CCDC62: variants seen among roughly 807,000 people sequenced by gnomAD.
CCDC62 encodes the protein coiled-coil domain-containing protein 62.
In CCDC62, 72 loss-of-function variants were observed where a neutral mutation model predicts 80.8. The ratio of observed to expected loss-of-function variants is 0.89; its 90% CI spans 0.74 to 1.08. The LOEUF (loss-of-function observed/expected upper bound fraction) is 1.08, where lower values mean the gene tolerates loss of function less well. Ranked by LOEUF, CCDC62 falls within the 50% of genes least tolerant of loss-of-function variation. The pLI, the probability that CCDC62 is intolerant of heterozygous loss-of-function variation, is 0.00. For synonymous variants in CCDC62, 286 were observed against 296.5 expected, an observed-to-expected ratio of 0.96 and a Z score of 0.36; for missense variants, 704 against 809.4, an observed-to-expected ratio of 0.87 and a Z score of 1.58.
chr12:122,803,309 C>T (rs1345690013), intron 9 of CCDC62, among the ~76,000 whole-genome samples: 1 of 152,086 alleles, frequency 6.6e-6, no homozygotes, highest in Non-Finnish European at 1.5e-5. Context: ...AAAGAGGATA[C>T]TTGTATTTAA....
chr12:122,818,153 C>A (rs1429297331), intron 11 of CCDC62, among the ~76,000 whole-genome samples: 1 of 151,790 alleles, frequency 6.6e-6, no homozygotes, highest in African/African-American at 2.4e-5. Context: ...ACAAAAAATT[C>A]AAAAATTAGC....
intron 10 of CCDC62, among the ~76,000 whole-genome samples, chr12:122,806,587 T>C (rs2031619417): frequency 6.6e-6 from 1 of 151,992 alleles, no homozygotes; most frequent in South Asian, 2.1e-4. Flanking sequence ...CAAGTGATCC[T>C]CCTGCCTCAG....
intron 5 of CCDC62, among the ~76,000 whole-genome samples, chr12:122,791,201 C>T (rs915299951): frequency 1.1e-4 from 17 of 152,072 alleles, no homozygotes; most frequent in Non-Finnish European, 2.2e-4. Context: ...AGTGCAATGG[C>T]GCGATCTCAG....
At chr12:122,784,655 AC>A (rs1417181908) in intron 3 of CCDC62, among the ~76,000 whole-genome samples, 1 of 152,050 alleles carries the variant, frequency 6.6e-6, no homozygotes, top group Non-Finnish European at 1.5e-5. Flanking sequence ...ACATAGCGAG[AC>A]CCTCTCTACA....
intron 6 of CCDC62, among the ~76,000 whole-genome samples, chr12:122,793,150 G>T (rs71456776): frequency 0.02 from 3,081 of 152,230 alleles, 35 homozygotes; most frequent in Non-Finnish European, 0.031. Flanking sequence ...CACAAAGGCT[G>T]TTTTATAATA....
intron 4 of CCDC62, among the ~76,000 whole-genome samples, chr12:122,788,467 G>A (rs1410213497): frequency 6.6e-6 from 1 of 152,216 alleles, no homozygotes; most frequent in Non-Finnish European, 1.5e-5. Flanking sequence ...GTAAGGGGTA[G>A]TGGTTCAGTA....
intron 11 of CCDC62, among the ~76,000 whole-genome samples, chr12:122,818,389 C>T (rs1437142443): frequency 6.7e-6 from 1 of 148,898 alleles, no homozygotes; most frequent in African/African-American, 2.5e-5. Context: ...TGAGGCGGAG[C>T]TTGCAGTGAG....
intron 11 of CCDC62, among the ~76,000 whole-genome samples, chr12:122,819,331 C>T (rs2032307127): frequency 1.3e-5 from 2 of 152,202 alleles, no homozygotes; most frequent in Non-Finnish European, 2.9e-5. Flanking sequence ...TCTGTCGCTA[C>T]AGACAAGGGT....
chr12:122,792,143 A>G (rs1259945386), intron 6 of CCDC62, 22 bp downstream of exon 6: 2 of 1,385,794 alleles, frequency 1.4e-6, no homozygotes, highest in Non-Finnish European at 2.1e-6. Flanking sequence ...GATCGAATGT[A>G]TTTGTAACCT....
chr12:122,823,788 G>C (rs541280853), intron 12 of CCDC62, among the ~76,000 whole-genome samples: 1 of 151,104 alleles, frequency 6.6e-6, no homozygotes, highest in African/African-American at 2.4e-5. Flanking sequence ...GGATCACGAG[G>C]TCAGGAGTTC....
intron 3 of CCDC62, among the ~76,000 whole-genome samples, chr12:122,785,328 A>G (rs2030144831): frequency 6.6e-6 from 1 of 152,214 alleles, no homozygotes; most frequent in Non-Finnish European, 1.5e-5. Flanking sequence ...CTTTATTTCA[A>G]CAAAGGAAAT....
intron 4 of CCDC62, among the ~76,000 whole-genome samples, chr12:122,788,211 C>A (rs2030387486): frequency 6.6e-6 from 1 of 152,130 alleles, no homozygotes; most frequent in African/African-American, 2.4e-5. Flanking sequence ...TTTCAAGAAG[C>A]AGATACCTTT....
At chr12:122,815,918 C>T (rs1230286402) in intron 11 of CCDC62, among the ~76,000 whole-genome samples, 1 of 152,180 alleles carries the variant, frequency 6.6e-6, no homozygotes, top group Non-Finnish European at 1.5e-5. Flanking sequence ...GGGGAGCAAA[C>T]ATCTTTGCCT....
chr12:122,809,170 C>G (rs1477690491), intron 10 of CCDC62, among the ~76,000 whole-genome samples: 1 of 152,260 alleles, frequency 6.6e-6, no homozygotes, highest in Non-Finnish European at 1.5e-5. Context: ...TTTACCTCCT[C>G]TCTGCACTAT....
intron 2 of CCDC62, among the ~76,000 whole-genome samples, chr12:122,780,162 A>T (rs12310901): frequency 0.13 from 19,404 of 148,560 alleles, 2,061 homozygotes; most frequent in African/African-American, 0.29. Context: ...ATACAAAAAA[A>T]TAGCCAGACA....
chr12:122,816,158 C>T (rs2032155572), intron 11 of CCDC62, among the ~76,000 whole-genome samples: 1 of 152,146 alleles, frequency 6.6e-6, no homozygotes, highest in African/African-American at 2.4e-5. Context: ...CAAAGTATAC[C>T]ATGTGTGCCA....
chr12:122,814,410 C>T (rs774759853), intron 11 of CCDC62, among the ~76,000 whole-genome samples: 6 of 111,708 alleles, frequency 5.4e-5, no homozygotes, highest in Non-Finnish European at 9.9e-5. Context: ...CATCCATACA[C>T]GTTTTCTTTG....
At chr12:122,791,136 TTTTA>T (rs530074957) in intron 5 of CCDC62, among the ~76,000 whole-genome samples, 5 of 151,892 alleles carry the variant, frequency 3.3e-5, no homozygotes, top group East Asian at 1.9e-4. Context: ...TTATTTTTAG[TTTTA>T]TTTATTTATT....
At chr12:122,806,408 T>TTA (rs2031607353) in intron 10 of CCDC62, 113 bp downstream of exon 10, 7 of 427,186 alleles carry the variant, frequency 1.6e-5, no homozygotes, top group African/African-American at 8.3e-5. Flanking sequence ...TCCTCCGTTT[T>TTA]TTTTTTTTTT....
Sources: allele counts gnomAD v4.1 joint callset (sites outside exome capture counted in the v4.1 genomes callset), GRCh38; gene constraint gnomAD v4.1.1; transcripts MANE v1.5; gene names NCBI Gene and HGNC (gene_info 2026-07-23, HGNC 2026-07-21).